ADGRA3: variants seen among roughly 807,000 people sequenced by gnomAD.
The protein encoded by ADGRA3 is G-protein coupled receptor 125.
Under a neutral mutation model 119.8 loss-of-function variants are expected in ADGRA3, and 56 were observed. The observed-to-expected ratio is 0.47, with a 90% CI of 0.38 to 0.58. The LOEUF is 0.58. Ranked by LOEUF, ADGRA3 falls within the 20% of genes least tolerant of loss-of-function variation. The pLI is 0.00. For missense variants in ADGRA3, 1,516 were observed against 1,649.0 expected (o/e 0.92, Z 1.40); for synonymous variants, 607 against 623.8 (o/e 0.97, Z 0.40).
At chr4:22,510,428 C>T (rs1262355716) in intron 1 of ADGRA3, among the ~76,000 whole-genome samples, 1 of 152,084 alleles carries the variant, frequency 6.6e-6, no homozygotes, top group African/African-American at 2.4e-5. Flanking sequence ...GGATGAGATT[C>T]TCCCCTGGTG....
intron 1 of ADGRA3, among the ~76,000 whole-genome samples, chr4:22,512,264 GAGA>G (rs1296356471): frequency 3.9e-5 from 6 of 152,040 alleles, no homozygotes; most frequent in Admixed American, 3.3e-4. Context: ...AGGATTGAGG[GAGA>G]AGGAGGCCCT....
intron 16 of ADGRA3, among the ~76,000 whole-genome samples, chr4:22,398,825 T>C (rs773529118): frequency 3.3e-5 from 5 of 152,192 alleles, no homozygotes; most frequent in Admixed American, 6.5e-5. Context: ...TTTGATATTG[T>C]GCATAGTGCT....
chr4:22,449,045 T>C (rs1577355418), intron 4 of ADGRA3, among the ~76,000 whole-genome samples: 1 of 151,976 alleles, frequency 6.6e-6, no homozygotes, highest in African/African-American at 2.4e-5. Context: ...CTGAGGTGGG[T>C]GGATCACCTG....
intron 10 of ADGRA3, among the ~76,000 whole-genome samples, chr4:22,427,309 T>A (rs1715980884): frequency 6.6e-6 from 1 of 152,132 alleles, no homozygotes; most frequent in Non-Finnish European, 1.5e-5. Context: ...TTCTCTGAAG[T>A]TTTAAATGTA....
At chr4:22,403,391 A>C (rs1049797262) in intron 14 of ADGRA3, among the ~76,000 whole-genome samples, 1 of 152,030 alleles carries the variant, frequency 6.6e-6, no homozygotes, top group Non-Finnish European at 1.5e-5. Context: ...TTTGATGAAG[A>C]TAAGTCAAGC....
intron 1 of ADGRA3, among the ~76,000 whole-genome samples, chr4:22,492,175 C>T (rs28665589): frequency 0.24 from 36,256 of 151,954 alleles, 5,861 homozygotes; most frequent in African/African-American, 0.46. Flanking sequence ...AATGCGGAGG[C>T]GAAAAAGCAC....
At chr4:22,475,504 G>A (rs1718007362) in intron 1 of ADGRA3, among the ~76,000 whole-genome samples, 1 of 152,122 alleles carries the variant, frequency 6.6e-6, no homozygotes, top group Non-Finnish European at 1.5e-5. Flanking sequence ...GAGGCGGGTG[G>A]ATTATGAGGT....
chr4:22,438,474 G>T, intron 7 of ADGRA3, 54 bp from the exon 8 acceptor site: 1 of 1,383,596 alleles, frequency 7.2e-7, no homozygotes, highest in South Asian at 1.3e-5. Context: ...CAAAAAAGGA[G>T]ACAATAATGG....
intron 1 of ADGRA3, among the ~76,000 whole-genome samples, chr4:22,476,589 T>C (rs1049001421): frequency 3.9e-5 from 6 of 152,152 alleles, no homozygotes; most frequent in African/African-American, 1.4e-4. Context: ...ATAATAATAA[T>C]TGGGAAGAAA....
chr4:22,405,819 A>C (rs868443304), intron 14 of ADGRA3, among the ~76,000 whole-genome samples: 1 of 152,218 alleles, frequency 6.6e-6, no homozygotes, highest in Non-Finnish European at 1.5e-5. Flanking sequence ...GTAATGACCA[A>C]ATCAAATTGG....
chr4:22,473,529 C>T (rs932650077), intron 2 of ADGRA3, among the ~76,000 whole-genome samples: 9 of 152,134 alleles, frequency 5.9e-5, no homozygotes, highest in African/African-American at 2.2e-4. Flanking sequence ...CACACTTCAA[C>T]GGCAGAGGTG....
intron 4 of ADGRA3, among the ~76,000 whole-genome samples, chr4:22,448,700 C>T (rs1244463183): frequency 6.6e-6 from 1 of 152,170 alleles, no homozygotes; most frequent in Non-Finnish European, 1.5e-5. Flanking sequence ...CAATGGCCAA[C>T]ACTTTACAAA....
At chr4:22,414,123 A>C in intron 12 of ADGRA3, 1 of 239,352 alleles carries the variant, frequency 4.2e-6, no homozygotes, top group South Asian at 9.0e-5. Flanking sequence ...AGCATTAAAC[A>C]GATCAAGGAT....
chr4:22,449,509 A>C lies in ADGRA3; in HGVS notation c.474-1998T>G, dbSNP rs143475251. Among the ~76,000 whole-genome samples, 69 of 152,276 alleles carry C rather than the reference A, an allele frequency of 4.5e-4. No individual in the cohort carries two copies. In the East Asian group the frequency reaches 0.013, roughly 29 times the overall value. On this transcript the variant is annotated intron_variant, in intron 4 of 18. Coordinates refer to ENST00000334304, the MANE Select transcript of ADGRA3 (RefSeq NM_145290.4). ...TTTCTTTAAATGTTTGCAAGATTCCATAACAGTAAGTTAGAAATAAATATC... is the reference window on the plus strand; with the variant it reads ...TTTCTTTAAATGTTTGCAAGATTCCCTAACAGTAAGTTAGAAATAAATATC...
intron 3 of ADGRA3, among the ~76,000 whole-genome samples, chr4:22,458,112 T>C (rs907032645): frequency 9.9e-5 from 15 of 152,198 alleles, no homozygotes; most frequent in African/African-American, 3.6e-4. Flanking sequence ...TCAGAATCAC[T>C]GGGAGGGATG....
intron 17 of ADGRA3, among the ~76,000 whole-genome samples, chr4:22,389,411 T>C (rs1023264904): frequency 6.6e-6 from 1 of 152,088 alleles, no homozygotes; most frequent in African/African-American, 2.4e-5. Context: ...AGTTTCTGAG[T>C]AGAGGAAAGC....
chr4:22,430,051 G>A (rs1716095599), intron 10 of ADGRA3, among the ~76,000 whole-genome samples: 1 of 152,132 alleles, frequency 6.6e-6, no homozygotes, highest in Non-Finnish European at 1.5e-5. Flanking sequence ...CTGCACAAGT[G>A]CTCTCTCTTT....
chr4:22,459,041 T>C (rs1717348232), intron 3 of ADGRA3, among the ~76,000 whole-genome samples: 1 of 152,204 alleles, frequency 6.6e-6, no homozygotes, highest in Non-Finnish European at 1.5e-5. Context: ...CTCCTACCTT[T>C]CTTAATCTTA....
intron 2 of ADGRA3, among the ~76,000 whole-genome samples, chr4:22,468,540 G>A (rs6824617): frequency 0.075 from 11,415 of 152,060 alleles, 665 homozygotes; most frequent in Non-Finnish European, 0.099. Context: ...AGGCTGAGGC[G>A]GACAGATCAC....
Sources: allele counts gnomAD v4.1 joint callset (sites outside exome capture counted in the v4.1 genomes callset), GRCh38; gene constraint gnomAD v4.1.1; transcripts MANE v1.5; gene names NCBI Gene and HGNC (gene_info 2026-07-23, HGNC 2026-07-21).